Variants in NEBL observed in about 807,000 individuals in gnomAD.
NEBL encodes LIM and SH3 protein 2.
NEBL carries 122 observed loss-of-function variants against 140.2 expected under a neutral mutation model. That is an observed-to-expected ratio of 0.87 (90% confidence interval 0.75 to 1.01). The LOEUF (loss-of-function observed/expected upper bound fraction) is 1.01, where lower values mean the gene tolerates loss of function less well. Ranked by LOEUF, NEBL falls within the 50% of genes least tolerant of loss-of-function variation. The probability of loss-of-function intolerance (pLI) is 0.00; values close to 1 mark genes in which losing one functional copy is unlikely to be tolerated. For missense variants in NEBL, 1,365 were observed against 1,231.3 expected (o/e 1.11, Z -1.62); for synonymous variants, 436 against 398.9 (o/e 1.09, Z -1.11).
intron 22 of NEBL, among the ~76,000 whole-genome samples, chr10:20,815,239 ATTTTG>A (rs1472588252): frequency 1.3e-5 from 2 of 152,168 alleles, no homozygotes; most frequent in African/African-American, 4.8e-5. Flanking sequence ...TCCATCTCCT[ATTTTG>A]TTTTGCAGAC....
At chr10:20,802,706 T>G (rs905535593) in intron 26 of NEBL, among the ~76,000 whole-genome samples, 1 of 152,192 alleles carries the variant, frequency 6.6e-6, no homozygotes, top group African/African-American at 2.4e-5. Context: ...CTTAACGAAA[T>G]GAGTTGATTG....
chr10:21,262,874 T>C (rs1302157750), intron 1 of NEBL, among the ~76,000 whole-genome samples: 1 of 152,166 alleles, frequency 6.6e-6, no homozygotes. Context: ...ACATTCTAAA[T>C]AGCACGTTTG....
chr10:21,166,540 G>A (rs948446034), intron 2 of NEBL, among the ~76,000 whole-genome samples: 1 of 152,106 alleles, frequency 6.6e-6, no homozygotes, highest in Admixed American at 6.6e-5. Flanking sequence ...CCTCAAAAAA[G>A]TACCAATGAG....
intron 2 of NEBL, chr10:21,028,938 G>T (rs980511019): frequency 4.1e-5 from 20 of 489,694 alleles, no homozygotes; most frequent in African/African-American, 3.9e-4. Context: ...CTAAAAAATA[G>T]CTATACTAAT....
chr10:21,113,998 T>C (rs900079279), intron 2 of NEBL, among the ~76,000 whole-genome samples: 2 of 152,098 alleles, frequency 1.3e-5, no homozygotes, highest in Admixed American at 1.3e-4. Context: ...TGGTTGAAGC[T>C]TAAGTCATTG....
intron 2 of NEBL, among the ~76,000 whole-genome samples, chr10:21,070,519 A>G (rs1671113265): frequency 6.6e-6 from 1 of 152,196 alleles, no homozygotes; most frequent in African/African-American, 2.4e-5. Flanking sequence ...TTTAAAGAGT[A>G]CATAATATCC....
chr10:21,085,440 A>C (rs1431698173), intron 2 of NEBL, among the ~76,000 whole-genome samples: 1 of 152,110 alleles, frequency 6.6e-6, no homozygotes, highest in Non-Finnish European at 1.5e-5. Flanking sequence ...TGGGCAACAA[A>C]ATGAGAACCT....
At chr10:21,169,784 G>C (rs1840994861) in intron 2 of NEBL, among the ~76,000 whole-genome samples, 1 of 152,088 alleles carries the variant, frequency 6.6e-6, no homozygotes, top group Non-Finnish European at 1.5e-5. Flanking sequence ...AAAAATCCTA[G>C]GGTGCTACCC....
chr10:21,278,435 C>A (rs1174675218), intron 1 of NEBL, among the ~76,000 whole-genome samples: 1 of 152,152 alleles, frequency 6.6e-6, no homozygotes, highest in Non-Finnish European at 1.5e-5. Flanking sequence ...CAGAGTAAAA[C>A]CCTCACTCTA....
intron 2 of NEBL, among the ~76,000 whole-genome samples, chr10:21,044,004 G>A (rs1834386500): frequency 6.6e-6 from 1 of 152,080 alleles, no homozygotes; most frequent in African/African-American, 2.4e-5. Flanking sequence ...TAAAAACAGG[G>A]TAGGATATTT....
At chr10:21,047,834 C>T (rs1451229354) in intron 2 of NEBL, among the ~76,000 whole-genome samples, 3 of 152,092 alleles carry the variant, frequency 2.0e-5, no homozygotes, top group Non-Finnish European at 2.9e-5. Context: ...CCCGCATGCC[C>T]GAGCAATATT....
At chr10:21,254,053 A>C (rs1842623431) in intron 1 of NEBL, among the ~76,000 whole-genome samples, 1 of 152,246 alleles carries the variant, frequency 6.6e-6, no homozygotes, top group Non-Finnish European at 1.5e-5. Flanking sequence ...CTTTATTGAT[A>C]AATGTAACAT....
In NEBL at chr10:21,043,885, A is replaced by T. The variant is rs568253770; in HGVS notation, c.165-23684T>A. Among the ~76,000 whole-genome samples the T allele has an allele frequency of 1.7e-3, 257 of 152,366 alleles. 1 individual carries two copies. The highest frequency in any genetic ancestry group is 6.0e-3 in the African/African-American group (248 of 41,584). Reference sequence around the variant, plus strand: ...ATAAAATTTAAAAAGTTGCCAATTCAGGATGAGAAGAGAGAATTATAAAAT... The same window carrying T: ...ATAAAATTTAAAAAGTTGCCAATTCTGGATGAGAAGAGAGAATTATAAAAT... On this transcript the variant is annotated intron_variant, in intron 2 of 6. Transcript: ENST00000417816.
intron 4 of NEBL, among the ~76,000 whole-genome samples, chr10:20,934,215 G>A (rs1483200042): frequency 6.6e-6 from 1 of 152,118 alleles, no homozygotes; most frequent in African/African-American, 2.4e-5. Context: ...TGAGCCCCAA[G>A]TATTCCTTCT....
intron 26 of NEBL, among the ~76,000 whole-genome samples, chr10:20,804,107 C>A (rs1048762658): frequency 1.3e-5 from 2 of 151,878 alleles, no homozygotes; most frequent in Non-Finnish European, 2.9e-5. Context: ...AACAAAACAG[C>A]CAGTACCTCT....
At chr10:20,985,894 G>A (rs1468345550) in intron 3 of NEBL, among the ~76,000 whole-genome samples, 1 of 152,108 alleles carries the variant, frequency 6.6e-6, no homozygotes, top group Non-Finnish European at 1.5e-5. Flanking sequence ...GCCTACAGGT[G>A]AGTTCAGATT....
Position 21,288,851 on chromosome 10 carries a change from A to ATATAT in NEBL, n.182+3978_182+3979insATATA, listed in dbSNP as rs1337610393. ...ATATATATATATATATATATATATA[A>ATATAT]AAATTTTTTTTTTTTGAGACGGAGT... is the stretch of plus-strand genomic sequence containing the variant. On this transcript the variant is annotated intron_variant and non_coding_transcript_variant, in intron 1 of 8. Coordinates refer to the NEBL transcript ENST00000675702. 1.2e-3 allele frequency among the ~76,000 whole-genome samples: 39 copies of ATATAT among 32,162 alleles called. 2 individuals carry two copies. The highest frequency in any genetic ancestry group is 2.1e-3 in the South Asian group (2 of 974). 21.1% of individuals were successfully genotyped at this position (32,162 alleles called of 152,430 possible).
rs187042063 is a variant in NEBL at position 21,074,776 on chromosome 10, C to G, written c.165-54575G>C. ...TATAGGCGTGAGCCACTGCACCTGG[C>G]CATATAGATATATATATTTTTGTTG... On this transcript the variant is annotated intron_variant, in intron 2 of 6. Transcript: ENST00000417816. Among the ~76,000 whole-genome samples, 169 of 149,164 alleles carry G rather than the reference C, an allele frequency of 1.1e-3. 1 individual carries two copies. The highest frequency in any genetic ancestry group is 4.1e-3 in the African/African-American group (162 of 39,494).
chr10:20,806,151 TTAAC>T (rs769440064), intron 26 of NEBL, among the ~76,000 whole-genome samples: 1 of 152,066 alleles, frequency 6.6e-6, no homozygotes, highest in South Asian at 2.1e-4. Context: ...AAAGAGGTGA[TTAAC>T]TAACAGCAGC....
Sources: allele counts gnomAD v4.1 joint callset (sites outside exome capture counted in the v4.1 genomes callset), GRCh38; gene constraint gnomAD v4.1.1; transcripts MANE v1.5; gene names NCBI Gene and HGNC (gene_info 2026-07-23, HGNC 2026-07-21).